The following SLIT3 variants were observed in gnomAD, a reference collection of about 807,000 sequenced individuals.
SLIT3 encodes slit homolog 3 protein.
SLIT3 carries 68 observed loss-of-function variants against 184.0 expected under a neutral mutation model. That is an observed-to-expected ratio of 0.37 (90% CI 0.30 to 0.45). SLIT3 has a LOEUF of 0.45. SLIT3 is among the 20% of genes least tolerant of loss of function. The pLI, the probability that SLIT3 is intolerant of heterozygous loss-of-function variation, is 1.00. For synonymous variants in SLIT3, 831 were observed against 828.6 expected, an observed-to-expected ratio of 1.00 and a Z score of -0.05; for missense variants, 1,707 against 2,026.0, an observed-to-expected ratio of 0.84 and a Z score of 3.02.
chr5:168,824,012 G>A (rs369722739), intron 6 of SLIT3, among the ~76,000 whole-genome samples: 97 of 152,248 alleles, frequency 6.4e-4, no homozygotes, highest in African/African-American at 2.2e-3. Flanking sequence ...GCAGTGGCAC[G>A]ATCTCAGCTC....
intron 4 of SLIT3, among the ~76,000 whole-genome samples, chr5:168,987,035 G>C (rs1236059264): frequency 6.6e-6 from 1 of 152,144 alleles, no homozygotes; most frequent in South Asian, 2.1e-4. Flanking sequence ...GCAACAGAGC[G>C]AGATTCCATC....
At chr5:168,999,831 A>G (rs1755641295) in intron 4 of SLIT3, among the ~76,000 whole-genome samples, 1 of 152,142 alleles carries the variant, frequency 6.6e-6, no homozygotes, top group South Asian at 2.1e-4. Context: ...CCCACCTGGG[A>G]GCTTTTGCAC....
intron 4 of SLIT3, among the ~76,000 whole-genome samples, chr5:168,988,945 T>G (rs768176682): frequency 6.6e-6 from 1 of 152,236 alleles, no homozygotes; most frequent in Non-Finnish European, 1.5e-5. Flanking sequence ...AGTGAAAGTT[T>G]CTGGATGTAC....
intron 21 of SLIT3, 95 bp downstream of exon 21, chr5:168,724,321 G>T: frequency 1.1e-6 from 1 of 917,514 alleles, no homozygotes. Flanking sequence ...ACTTGCATCA[G>T]CCTGCAGCTC....
chr5:169,179,308 T>C (rs1416140527), intron 4 of SLIT3, among the ~76,000 whole-genome samples: 5 of 143,940 alleles, frequency 3.5e-5, no homozygotes, highest in African/African-American at 1.3e-4. Context: ...AGACCAAGGC[T>C]TGGTTTTTGT....
chr5:168,831,526 A>T (rs77318693), intron 6 of SLIT3, among the ~76,000 whole-genome samples: 1 of 152,170 alleles, frequency 6.6e-6, no homozygotes, highest in Non-Finnish European at 1.5e-5. Flanking sequence ...AGAAAACATA[A>T]TGATCTCACA....
chr5:169,193,615 A>T (rs1401319754), intron 3 of SLIT3, 65 bp from the exon 4 acceptor site: 2 of 1,196,526 alleles, frequency 1.7e-6, no homozygotes, highest in Non-Finnish European at 2.5e-6. Context: ...GTATTCAGAT[A>T]CCACTTTAAT....
chr5:168,773,982 T>A (rs1581066558), intron 13 of SLIT3, among the ~76,000 whole-genome samples: 1 of 152,310 alleles, frequency 6.6e-6, no homozygotes. Flanking sequence ...GAAGAGATAG[T>A]AACAGCACCA....
In SLIT3 at chr5:168,889,904, G is replaced by A. The variant is rs893408888; in HGVS notation, c.414-6568C>T. On this transcript the variant is annotated intron_variant, in intron 4 of 35. Coordinates refer to ENST00000519560, the MANE Select transcript of SLIT3 (RefSeq NM_003062.4). ...CATGCCTGTAATCCCAGCACTTTGG[G>A]AGGTTGAGGCGGGTGGATCACCAAT... Among the ~76,000 whole-genome samples, 8 of 152,284 alleles carry A rather than the reference G, an allele frequency of 5.3e-5. No homozygotes were observed. The South Asian group carries it at 6.2e-4, about 12-fold the overall frequency.
chr5:168,842,972 C>T (rs1175499811), intron 6 of SLIT3, among the ~76,000 whole-genome samples: 2 of 152,200 alleles, frequency 1.3e-5, no homozygotes, highest in African/African-American at 4.8e-5. Flanking sequence ...TCAGCCCCAG[C>T]CTCCTGATAA....
intron 26 of SLIT3, 36 bp from the exon 27 acceptor site, chr5:168,700,715 G>A: frequency 6.6e-7 from 1 of 1,521,090 alleles, no homozygotes; most frequent in Non-Finnish European, 9.1e-7. Context: ...CCTGGTTAGG[G>A]GGACTTCTGG....
chr5:168,887,792 T>C (rs531309227), intron 4 of SLIT3, among the ~76,000 whole-genome samples: 221 of 152,292 alleles, frequency 1.5e-3, no homozygotes, highest in Middle Eastern at 3.4e-3. Context: ...AGGCACTCAA[T>C]GAATAGCTGC....
At chr5:168,681,391 C>T (rs1372706935) in intron 32 of SLIT3, among the ~76,000 whole-genome samples, 1 of 152,172 alleles carries the variant, frequency 6.6e-6, no homozygotes, top group Non-Finnish European at 1.5e-5. Flanking sequence ...GCAACAGAAA[C>T]AGGGCTGCCT....
At chr5:168,882,330 T>C (rs1759984777) in intron 5 of SLIT3, among the ~76,000 whole-genome samples, 1 of 152,074 alleles carries the variant, frequency 6.6e-6, no homozygotes, top group Admixed American at 6.5e-5. Context: ...GGCAGAAAAT[T>C]CAAGGCATAG....
intron 20 of SLIT3, among the ~76,000 whole-genome samples, chr5:168,748,056 C>T (rs1754551718): frequency 1.3e-5 from 2 of 152,056 alleles, no homozygotes; most frequent in Non-Finnish European, 2.9e-5. Context: ...TTAGGAATTA[C>T]AGGGTCAGAG....
At chr5:169,099,482 T>A (rs1293464455) in intron 4 of SLIT3, among the ~76,000 whole-genome samples, 2 of 152,218 alleles carry the variant, frequency 1.3e-5, no homozygotes, top group East Asian at 3.8e-4. Flanking sequence ...AACACATGTT[T>A]AGCAACTACT....
intron 4 of SLIT3, among the ~76,000 whole-genome samples, chr5:168,897,646 G>GCGCGCGCACACA: frequency 1.8e-4 from 19 of 105,382 alleles, no homozygotes; most frequent in African/African-American, 7.6e-4. Context: ...ACAGGTGCAC[G>GCGCGCGCACACA]TACACACACA....
chr5:168,686,858 C>T (rs931414789), intron 30 of SLIT3, 121 bp downstream of exon 30: 1 of 1,190,908 alleles, frequency 8.4e-7, no homozygotes, highest in East Asian at 2.4e-5. Context: ...AAGGCATCAC[C>T]CAGAACCGGG....
At chr5:168,938,031 G>C (rs1216799720) in intron 4 of SLIT3, among the ~76,000 whole-genome samples, 3 of 152,160 alleles carry the variant, frequency 2.0e-5, no homozygotes, top group Admixed American at 2.0e-4. Flanking sequence ...CTGCGGATCT[G>C]TATATTTATT....
Sources: allele counts gnomAD v4.1 joint callset (sites outside exome capture counted in the v4.1 genomes callset), GRCh38; gene constraint gnomAD v4.1.1; transcripts MANE v1.5; gene names NCBI Gene and HGNC (gene_info 2026-07-23, HGNC 2026-07-21).